INSC: variants seen among roughly 807,000 people sequenced by gnomAD.
INSC encodes protein inscuteable homolog.
Under a neutral mutation model 58.6 loss-of-function variants are expected in INSC, and 67 were observed. That is an observed-to-expected ratio of 1.14 (90% CI 0.94 to 1.40). The LOEUF (loss-of-function observed/expected upper bound fraction) is 1.40, where lower values mean the gene tolerates loss of function less well. Ranked by LOEUF, INSC falls within the 40% of genes most tolerant of loss-of-function variation. The pLI, the probability that INSC is intolerant of heterozygous loss-of-function variation, is 0.00. For synonymous variants in INSC, 262 were observed against 276.1 expected (o/e 0.95, Z 0.51); for missense variants, 714 against 692.0 (o/e 1.03, Z -0.36).
At chr11:15,257,918 G>T in the INSC span, among the ~76,000 whole-genome samples, 3 of 152,106 alleles carry the variant, frequency 2.0e-5, no homozygotes, top group Admixed American at 1.3e-4. Flanking sequence ...ATGGTACTTA[G>T]CTATGGCAAC....
chr11:15,124,668 C>G (rs1847949460), intron 1 of INSC, among the ~76,000 whole-genome samples: 1 of 152,028 alleles, frequency 6.6e-6, no homozygotes, highest in Non-Finnish European at 1.5e-5. Flanking sequence ...TAATCCTGGC[C>G]CCATCCCCAT....
At chr11:15,195,610 G>A (rs1160608797) in intron 6 of INSC, among the ~76,000 whole-genome samples, 1 of 152,178 alleles carries the variant, frequency 6.6e-6, no homozygotes, top group Non-Finnish European at 1.5e-5. Context: ...GAGGAGACAT[G>A]CATTTGGTTG....
rs115175228 is a variant in INSC at position 15,142,320 on chromosome 11, G to A, written c.-45-6810G>A. Among the ~76,000 whole-genome samples the A allele has an allele frequency of 9.2e-3, 1,406 of 152,322 alleles. 18 individuals are homozygous for A. Among genetic ancestry groups the A allele is most frequent in the African/African-American group, 0.033 (1,351 of 41,550 alleles). The stretch of plus-strand genomic sequence containing the variant: ...TAGTTTCCTATAAACTCCACCACCA[G>A]GCCAGAGTGCTCCAGCCTTCTTGAA... On this transcript the variant is annotated intron_variant, in intron 1 of 12. Transcript: ENST00000379556.
chr11:15,205,740 G>A (rs559971655), intron 7 of INSC, among the ~76,000 whole-genome samples: 39 of 152,254 alleles, frequency 2.6e-4, no homozygotes, highest in African/African-American at 8.9e-4. Context: ...CCGAGACAGT[G>A]TTTCCTCAGT....
At chr11:15,240,565 G>T (rs1301600276) in intron 12 of INSC, 42 bp downstream of exon 12, 1 of 1,557,072 alleles carries the variant, frequency 6.4e-7, no homozygotes, top group South Asian at 1.1e-5. Context: ...CTGGCCTTCG[G>T]AATGCAGCCA....
rs1016319760 is a variant in INSC, at chr11:15,225,790, G to T, written c.1132G>T (p.Asp378Tyr). The change falls in exon 9 of 13, where the codon GAC becomes TAC. Residue 378 changes from aspartate (D) to tyrosine (Y), a missense_variant. By Grantham distance (160) the Asp-to-Tyr change is radical. Transcript: ENST00000379556. The part of the protein sequence containing the change: ...AIRVLLEACS[D>Y]KQRVDTPYTR... ...CCGTGTTCTCCTGGAAGCCTGCAGT[G>T]ACAAGCAGAGAGTGGACACGCCTTA... 1.2e-6 allele frequency: 2 copies of T among 1,613,698 alleles called. No individual in the cohort carries two copies. The highest frequency in any genetic ancestry group is 3.3e-5 in the Admixed American group (2 of 59,968).
chr11:15,120,291 A>G (rs1847839312), intron 1 of INSC, among the ~76,000 whole-genome samples: 1 of 152,218 alleles, frequency 6.6e-6, no homozygotes, highest in Non-Finnish European at 1.5e-5. Flanking sequence ...AGAGGTAAGT[A>G]GGAATATCCC....
intron 2 of INSC, among the ~76,000 whole-genome samples, chr11:15,158,700 C>T (rs1029159353): frequency 1.7e-5 from 1 of 58,134 alleles, no homozygotes; most frequent in Non-Finnish European, 5.3e-5. Context: ...ACAAAAGTCT[C>T]CTCATCTGTA....
intron 8 of INSC, among the ~76,000 whole-genome samples, chr11:15,222,930 C>T (rs1851500556): frequency 6.6e-6 from 1 of 152,124 alleles, no homozygotes; most frequent in Admixed American, 6.6e-5. Flanking sequence ...GAAATCTAAG[C>T]CTAGAGGGGT....
chr11:15,117,155 T>TG (rs1361614525), intron 1 of INSC, among the ~76,000 whole-genome samples: 2 of 151,682 alleles, frequency 1.3e-5, no homozygotes, highest in Non-Finnish European at 2.9e-5. Flanking sequence ...TTGGTCAGGC[T>TG]GGTCTTGAAC....
chr11:15,138,603 G>C (rs1275932628), intron 1 of INSC, among the ~76,000 whole-genome samples: 3 of 152,308 alleles, frequency 2.0e-5, no homozygotes, highest in Admixed American at 6.5e-5. Context: ...CTCTCTAGTG[G>C]AAAGCAGCTC....
intron 5 of INSC, among the ~76,000 whole-genome samples, chr11:15,185,435 T>C (rs1004728240): frequency 3.9e-5 from 6 of 152,100 alleles, no homozygotes; most frequent in Admixed American, 2.0e-4. Context: ...AATAAAATTT[T>C]TATAACTTAC....
At chr11:15,248,301 G>C (rs1852613578), downstream of INSC, among the ~76,000 whole-genome samples, 1 of 152,184 alleles carries the variant, frequency 6.6e-6, no homozygotes, top group Non-Finnish European at 1.5e-5. Context: ...TACAATAACT[G>C]TAAGTACAAT....
intron 7 of INSC, among the ~76,000 whole-genome samples, chr11:15,208,373 C>A (rs1444276013): frequency 6.6e-6 from 1 of 152,216 alleles, no homozygotes; most frequent in Admixed American, 6.5e-5. Context: ...GGCTGACAGG[C>A]AGAAAGGAAC....
chr11:15,169,505 T>G (rs1415502293), intron 2 of INSC, among the ~76,000 whole-genome samples: 2 of 152,174 alleles, frequency 1.3e-5, no homozygotes, highest in African/African-American at 4.8e-5. Flanking sequence ...ACAGCTAGTC[T>G]GGGCTCACAG....
chr11:15,185,293 G>A (rs1298038842), intron 5 of INSC, among the ~76,000 whole-genome samples: 3 of 152,048 alleles, frequency 2.0e-5, no homozygotes, highest in Non-Finnish European at 4.4e-5. Flanking sequence ...TGATTTATGG[G>A]AACAAGATTT....
intron 9 of INSC, among the ~76,000 whole-genome samples, chr11:15,234,941 G>C (rs746711606): frequency 1.3e-5 from 2 of 152,144 alleles, no homozygotes; most frequent in African/African-American, 2.4e-5. Flanking sequence ...GAGACTCACT[G>C]TCCACCTGGT....
In INSC at chr11:15,239,918, C is replaced by A. The variant is rs193042997; in HGVS notation, c.1394-529C>A. On this transcript the variant is annotated intron_variant, in intron 11 of 12. Transcript: ENST00000379556. Reference sequence around the variant, plus strand: ...ATCATCCAGGTACCCAGAGGGACAGCCTGGGGCAGCAGAGGGTTCCTGTTC... The same window carrying A: ...ATCATCCAGGTACCCAGAGGGACAGACTGGGGCAGCAGAGGGTTCCTGTTC... Among the ~76,000 whole-genome samples, 55 of 152,250 alleles carry A rather than the reference C, an allele frequency of 3.6e-4. 1 individual carries two copies. The highest frequency in any genetic ancestry group is 8.8e-5 in the Non-Finnish European group (6 of 68,020).
chr11:15,167,001 G>A (rs73424560), intron 2 of INSC, among the ~76,000 whole-genome samples: 2,124 of 152,180 alleles, frequency 0.014, 49 homozygotes, highest in African/African-American at 0.049. Context: ...CACAGCTCTC[G>A]AGGTACTGTA....
Sources: allele counts gnomAD v4.1 joint callset (sites outside exome capture counted in the v4.1 genomes callset), GRCh38; gene constraint gnomAD v4.1.1; transcripts MANE v1.5; gene names NCBI Gene and HGNC (gene_info 2026-07-23, HGNC 2026-07-21).